RERG: variants seen among roughly 807,000 people sequenced by gnomAD.
RERG encodes RAS like estrogen regulated growth inhibitor, also known as ras-related and estrogen-regulated growth inhibitor.
A neutral mutation model predicts 23.2 loss-of-function variants in RERG; 25 were observed. The observed-to-expected ratio is 1.08, with a 90% CI of 0.79 to 1.50. The LOEUF (loss-of-function observed/expected upper bound fraction) is 1.50, where lower values mean the gene tolerates loss of function less well. RERG is among the 40% of genes most tolerant of loss of function. The probability of loss-of-function intolerance (pLI) is 0.00; values close to 1 mark genes in which losing one functional copy is unlikely to be tolerated. For synonymous variants in RERG, 81 were observed against 89.1 expected (o/e 0.91, Z 0.51); for missense variants, 253 against 250.1 (o/e 1.01, Z -0.08).
intron 2 of RERG, among the ~76,000 whole-genome samples, chr12:15,136,636 AAG>A (rs1864149015): frequency 6.6e-6 from 1 of 152,010 alleles, no homozygotes; most frequent in African/African-American, 2.4e-5. Flanking sequence ...TAAATTTCTC[AAG>A]AGTTTTTCTT....
At chr12:15,111,686 CTTTTT>C (rs11296760) in intron 3 of RERG, among the ~76,000 whole-genome samples, 3 of 127,958 alleles carry the variant, frequency 2.3e-5, no homozygotes, top group Non-Finnish European at 5.0e-5. Context: ...CTATACTTTC[CTTTTT>C]TTTTTTTTTT....
intron 2 of RERG, among the ~76,000 whole-genome samples, chr12:15,155,632 AG>A (rs888358801): frequency 1.3e-5 from 2 of 152,130 alleles, no homozygotes; most frequent in African/African-American, 4.8e-5. Flanking sequence ...CTAATTGGGA[AG>A]GCTGGGTAGG....
At chr12:15,186,537 G>A (rs986297099) in intron 2 of RERG, among the ~76,000 whole-genome samples, 51 of 151,832 alleles carry the variant, frequency 3.4e-4, no homozygotes, top group African/African-American at 1.0e-3. Context: ...AAGAAAAGAA[G>A]AAGAGCAAGG....
chr12:15,195,341 G>A (rs1865128563), intron 2 of RERG, among the ~76,000 whole-genome samples: 1 of 152,084 alleles, frequency 6.6e-6, no homozygotes, highest in African/African-American at 2.4e-5. Context: ...TCACACAAGT[G>A]GCACTGCTCA....
chr12:15,143,189 A>G (rs1591645378), intron 2 of RERG, among the ~76,000 whole-genome samples: 2 of 152,280 alleles, frequency 1.3e-5, no homozygotes, highest in East Asian at 3.9e-4. Context: ...TAAGCACACT[A>G]AAAGAAAATT....
chr12:15,219,821 C>G (rs750203829), intron 1 of RERG, among the ~76,000 whole-genome samples: 2 of 152,034 alleles, frequency 1.3e-5, no homozygotes, highest in Non-Finnish European at 2.9e-5. Flanking sequence ...ATGAAAGTAG[C>G]CATCAAATGT....
At chr12:15,151,771 G>T (rs913702352) in intron 2 of RERG, among the ~76,000 whole-genome samples, 2 of 152,166 alleles carry the variant, frequency 1.3e-5, no homozygotes, top group Non-Finnish European at 2.9e-5. Flanking sequence ...ATATGGTTAG[G>T]TTAACAGAAT....
chr12:15,204,996 T>C (rs1865264256), intron 2 of RERG, among the ~76,000 whole-genome samples: 1 of 151,942 alleles, frequency 6.6e-6, no homozygotes, highest in Non-Finnish European at 1.5e-5. Context: ...GTTTTGCTAA[T>C]GCATTGTGGT....
At chr12:15,150,723 GGCTGCATATTAATC>G (rs1282808044) in intron 2 of RERG, among the ~76,000 whole-genome samples, 8 of 152,242 alleles carry the variant, frequency 5.3e-5, no homozygotes, top group African/African-American at 1.9e-4. Context: ...AATTCAAACA[GGCTGCATATTAATC>G]GCTGCATTCT....
At chr12:15,138,863 G>A (rs1219007047) in intron 2 of RERG, among the ~76,000 whole-genome samples, 1 of 151,294 alleles carries the variant, frequency 6.6e-6, no homozygotes, top group Non-Finnish European at 1.5e-5. Flanking sequence ...TCTTTCATTT[G>A]CTGTCACTTC....
At chr12:15,147,556 G>C (rs184558100) in intron 2 of RERG, among the ~76,000 whole-genome samples, 1 of 152,298 alleles carries the variant, frequency 6.6e-6, no homozygotes, top group East Asian at 1.9e-4. Context: ...CATATACATA[G>C]AGAACATGTA....
At chr12:15,146,298 T>A (rs975042076) in intron 2 of RERG, among the ~76,000 whole-genome samples, 16 of 152,246 alleles carry the variant, frequency 1.1e-4, no homozygotes, top group Non-Finnish European at 2.1e-4. Flanking sequence ...ATTTTACATT[T>A]AATGTAATAA....
intron 2 of RERG, among the ~76,000 whole-genome samples, chr12:15,127,450 C>T (rs1308202828): frequency 6.6e-6 from 1 of 152,178 alleles, no homozygotes; most frequent in Non-Finnish European, 1.5e-5. Flanking sequence ...GACTACTTCT[C>T]TGGTCGGATG....
At chr12:15,203,580 C>G (rs922459941) in intron 2 of RERG, among the ~76,000 whole-genome samples, 8 of 151,446 alleles carry the variant, frequency 5.3e-5, no homozygotes, top group African/African-American at 1.5e-4. Flanking sequence ...AGTAACTAAT[C>G]AAGAAAAAGG....
At chr12:15,186,349 A>G (rs894242687) in intron 2 of RERG, among the ~76,000 whole-genome samples, 1 of 152,090 alleles carries the variant, frequency 6.6e-6, no homozygotes, top group African/African-American at 2.4e-5. Context: ...TTGCTGGGCC[A>G]TGTGCTCCAG....
intron 2 of RERG, among the ~76,000 whole-genome samples, chr12:15,210,278 G>T (rs1331907768): frequency 6.6e-6 from 1 of 152,026 alleles, no homozygotes; most frequent in Non-Finnish European, 1.5e-5. Context: ...AGATCAAAAT[G>T]GAATTAATAG....
At chr12:15,123,298 T>C (rs532654214) in intron 2 of RERG, among the ~76,000 whole-genome samples, 19 of 151,988 alleles carry the variant, frequency 1.3e-4, no homozygotes, top group Non-Finnish European at 2.4e-4. Context: ...ATACTGAACA[T>C]AATTGAATCA....
chr12:15,162,209 T>C (rs900956165), intron 2 of RERG, among the ~76,000 whole-genome samples: 5 of 152,238 alleles, frequency 3.3e-5, no homozygotes, highest in African/African-American at 9.6e-5. Flanking sequence ...TAAATCTCAT[T>C]GCTGAAATGG....
chr12:15,119,593 T>A (rs10846140), intron 3 of RERG, among the ~76,000 whole-genome samples: 103,738 of 151,962 alleles, frequency 0.68, 35,595 homozygotes, highest in Admixed American at 0.75. Context: ...ATAATTTTTT[T>A]AAAAAATCGG....
Sources: gnomAD v4.1 joint callset for allele counts (sites outside exome capture counted in the v4.1 genomes callset) on GRCh38, gnomAD v4.1.1 for gene constraint, MANE v1.5 for transcripts, NCBI Gene and HGNC (gene_info 2026-07-23, HGNC 2026-07-21) for gene names.